DYNC2I1: variants seen among roughly 807,000 people sequenced by gnomAD.
DYNC2I1 encodes cytoplasmic dynein 2 intermediate chain 1.
DYNC2I1 carries 89 observed loss-of-function variants against 133.4 expected under a neutral mutation model. The ratio of observed to expected loss-of-function variants is 0.67; its 90% CI spans 0.56 to 0.80. The LOEUF (loss-of-function observed/expected upper bound fraction) is 0.80, where lower values mean the gene tolerates loss of function less well. Among genes scored for constraint, DYNC2I1 ranks in the 30% least tolerant of loss-of-function variants. DYNC2I1 has a pLI of 0.00. For missense variants in DYNC2I1, 1,291 were observed against 1,314.5 expected (o/e 0.98, Z 0.28); for synonymous variants, 504 against 484.3 (o/e 1.04, Z -0.54).
chr7:158,848,657 A>G, the DYNC2I1 span, among the ~76,000 whole-genome samples: 78 of 151,934 alleles, frequency 5.1e-4, no homozygotes, highest in South Asian at 1.7e-3. Flanking sequence ...GGGCGCGGTG[A>G]CTCACGCCTG....
intron 9 of DYNC2I1, among the ~76,000 whole-genome samples, 185 bp downstream of exon 9, chr7:158,902,001 C>T (rs1846304335): frequency 6.6e-6 from 1 of 152,028 alleles, no homozygotes. Flanking sequence ...TAATACTTAC[C>T]AATATGATGT....
At chr7:158,857,522 T>C (rs935943036) in intron 1 of DYNC2I1, among the ~76,000 whole-genome samples, 5 of 151,174 alleles carry the variant, frequency 3.3e-5, no homozygotes, top group South Asian at 2.1e-4. Flanking sequence ...TTTTATGTTA[T>C]ATAAACCTTA....
At chr7:158,883,526 A>G (rs1362033456) in intron 5 of DYNC2I1, among the ~76,000 whole-genome samples, 1 of 151,324 alleles carries the variant, frequency 6.6e-6, no homozygotes, top group Non-Finnish European at 1.5e-5. Flanking sequence ...CCTCTATATG[A>G]TTTTTGATCC....
intron 1 of DYNC2I1, among the ~76,000 whole-genome samples, chr7:158,863,238 T>C (rs1261597166): frequency 6.6e-6 from 1 of 151,958 alleles, no homozygotes; most frequent in African/African-American, 2.4e-5. Flanking sequence ...AGAGTGCCGA[T>C]TGGTGCGTTT....
chr7:158,890,033 A>T (rs1302765462), intron 7 of DYNC2I1, among the ~76,000 whole-genome samples: 2 of 141,490 alleles, frequency 1.4e-5, no homozygotes, highest in Admixed American at 7.1e-5. Context: ...AAAAAAATAG[A>T]GGTAGGGTCT....
intron 8 of DYNC2I1, among the ~76,000 whole-genome samples, chr7:158,901,118 G>A (rs1344532447): frequency 6.6e-6 from 1 of 151,988 alleles, no homozygotes; most frequent in Non-Finnish European, 1.5e-5. Context: ...ATATCTTCTT[G>A]ATTGTGCAGT....
chr7:158,887,275 G>A (rs1844699183), intron 7 of DYNC2I1, among the ~76,000 whole-genome samples, 200 bp downstream of exon 7: 1 of 152,142 alleles, frequency 6.6e-6, no homozygotes, highest in Admixed American at 6.6e-5. Context: ...TAAAAAGGTG[G>A]ACAAAGAGAA....
intron 3 of DYNC2I1, among the ~76,000 whole-genome samples, chr7:158,871,888 T>C (rs997553106): frequency 6.6e-6 from 1 of 152,250 alleles, no homozygotes; most frequent in African/African-American, 2.4e-5. Flanking sequence ...TCTTTTGAAA[T>C]GTTCATTTGT....
chr7:158,871,605 G>T, intron 3 of DYNC2I1, 43 bp downstream of exon 3: 6 of 1,483,808 alleles, frequency 4.0e-6, no homozygotes, highest in Non-Finnish European at 5.3e-6. Context: ...CCGAGGTGCC[G>T]CGTCGCTGCT....
chr7:158,861,149 T>G (rs538478170), intron 1 of DYNC2I1, among the ~76,000 whole-genome samples: 3 of 152,258 alleles, frequency 2.0e-5, no homozygotes, highest in Non-Finnish European at 4.4e-5. Flanking sequence ...CCTGACATCC[T>G]TTCTGAAGAG....
chr7:158,938,977 ACTT>A (rs1180958077), intron 23 of DYNC2I1, among the ~76,000 whole-genome samples: 1 of 152,238 alleles, frequency 6.6e-6, no homozygotes, highest in African/African-American at 2.4e-5. Flanking sequence ...AGCTATAGCA[ACTT>A]CTTAAGATAT....
At chr7:158,853,194 C>T (rs369151645), upstream of DYNC2I1, among the ~76,000 whole-genome samples, 28 of 152,268 alleles carry the variant, frequency 1.8e-4, no homozygotes, top group East Asian at 4.8e-3. Context: ...ATGTTGGCCA[C>T]AAGGGGAGGA....
At chr7:158,857,877 A>T (rs1257761640) in intron 1 of DYNC2I1, among the ~76,000 whole-genome samples, 1 of 140,768 alleles carries the variant, frequency 7.1e-6, no homozygotes, top group African/African-American at 2.7e-5. Context: ...CGCAACCTCC[A>T]ACTCCTGGGT....
intron 3 of DYNC2I1, among the ~76,000 whole-genome samples, chr7:158,875,910 T>C (rs1003593789): frequency 6.6e-6 from 1 of 152,198 alleles, no homozygotes; most frequent in African/African-American, 2.4e-5. Flanking sequence ...GCTGTATGAG[T>C]TTGGTCTGGT....
At chr7:158,884,145 C>T (rs928298189) in intron 5 of DYNC2I1, among the ~76,000 whole-genome samples, 30 of 151,102 alleles carry the variant, frequency 2.0e-4, no homozygotes, top group South Asian at 4.2e-4. Flanking sequence ...CCCGGGTTCA[C>T]GCCATTCTCC....
In DYNC2I1 at chr7:158,879,677, T is replaced by G; in HGVS notation, c.574-7T>G. ...TCCTGTGTTTCTCAGCTTGTCGTGT[T>G]TTACAGCTGCAGTACGGAGACAGCA... On this transcript the variant is annotated splice_region_variant and splice_polypyrimidine_tract_variant and intron_variant, in intron 4 of 24. Transcript: ENST00000407559. The G allele has an allele frequency of 6.4e-7, 1 of 1,561,914 alleles. No homozygotes were observed. The highest frequency in any genetic ancestry group is 1.2e-5 in the South Asian group (1 of 82,488).
chr7:158,892,372 A>G (rs1845311536), intron 8 of DYNC2I1, among the ~76,000 whole-genome samples: 1 of 152,206 alleles, frequency 6.6e-6, no homozygotes. Context: ...TTTATATGAT[A>G]ATGTGCAATG....
upstream of DYNC2I1, among the ~76,000 whole-genome samples, chr7:158,854,291 A>G (rs1289523983): frequency 6.6e-6 from 1 of 151,840 alleles, no homozygotes; most frequent in Non-Finnish European, 1.5e-5. Context: ...TAGCTGCATG[A>G]CTCCTAAACC....
At chr7:158,896,985 C>CT (rs1259230058) in intron 8 of DYNC2I1, among the ~76,000 whole-genome samples, 16,830 of 131,128 alleles carry the variant, frequency 0.13, 1,288 homozygotes, top group African/African-American at 0.21. Flanking sequence ...TGTATAATTT[C>CT]TTTTTTTTTT....
Sources: gnomAD v4.1 joint callset for allele counts (sites outside exome capture counted in the v4.1 genomes callset) on GRCh38, gnomAD v4.1.1 for gene constraint, MANE v1.5 for transcripts, NCBI Gene and HGNC (gene_info 2026-07-23, HGNC 2026-07-21) for gene names.